The following ARHGEF4 variants were observed in gnomAD, a reference collection of about 807,000 sequenced individuals.
The protein encoded by ARHGEF4 is Rho guanine nucleotide exchange factor 4, also known as APC-stimulated guanine nucleotide exchange factor 1.
ARHGEF4 carries 119 observed loss-of-function variants against 162.0 expected under a neutral mutation model. The observed-to-expected ratio is 0.73, with a 90% CI of 0.63 to 0.86. ARHGEF4 has a LOEUF of 0.86. Ranked by LOEUF, ARHGEF4 falls within the 40% of genes least tolerant of loss-of-function variation. The probability of loss-of-function intolerance (pLI) is 0.00; values close to 1 mark genes in which losing one functional copy is unlikely to be tolerated. For synonymous variants in ARHGEF4, 1,014 were observed against 979.9 expected, an observed-to-expected ratio of 1.03 and a Z score of -0.65; for missense variants, 2,488 against 2,456.0, an observed-to-expected ratio of 1.01 and a Z score of -0.28.
chr2:130,902,367 G>A (rs907828722), intron 1 of ARHGEF4, among the ~76,000 whole-genome samples: 2 of 152,108 alleles, frequency 1.3e-5, no homozygotes, highest in African/African-American at 4.8e-5. Context: ...GCGAAGGTGG[G>A]CAGATCACTT....
intron 1 of ARHGEF4, among the ~76,000 whole-genome samples, chr2:130,872,015 T>A (rs1053290336): frequency 6.6e-5 from 10 of 152,356 alleles, no homozygotes; most frequent in African/African-American, 2.4e-4. Flanking sequence ...ACACCAGCTG[T>A]GCATCTGCAA....
intron 1 of ARHGEF4, 69 bp from the exon 2 acceptor site, chr2:130,913,917 G>T: frequency 1.3e-6 from 2 of 1,512,740 alleles, no homozygotes; most frequent in Admixed American, 4.0e-5. Context: ...GCAAAGGCAG[G>T]CACGGTGTAA....
At position 130,916,716 on chromosome 2, in the gene ARHGEF4, G is replaced by A; in HGVS notation, c.2770G>A (p.Val924Ile). ...KTFSNFIESI[V>I]LEKENTHERS... ...CTTTTCAAACTTTATTGAGTCAATA[G>A]TTCTAGAGAAAGAGAACACCCATGA... The change falls in exon 2 of 14, where the codon GTT (valine) becomes ATT (isoleucine). Residue 924 changes from valine (V) to isoleucine (I), a missense_variant. Coordinates refer to ENST00000409359, the MANE Select transcript of ARHGEF4 (RefSeq NM_001367493.1). The A allele has an allele frequency of 6.4e-7, 1 of 1,550,682 alleles. No homozygotes were observed. Among genetic ancestry groups the A allele is most frequent in the Non-Finnish European group, 8.7e-7 (1 of 1,147,018 alleles).
chr2:130,918,861 G>A (rs1473949366), intron 2 of ARHGEF4, among the ~76,000 whole-genome samples: 1 of 152,038 alleles, frequency 6.6e-6, no homozygotes, highest in Non-Finnish European at 1.5e-5. Flanking sequence ...TTTCGTTACT[G>A]TTACTACTGA....
chr2:130,959,402 A>T (rs1684503811), intron 4 of ARHGEF4, among the ~76,000 whole-genome samples: 1 of 152,224 alleles, frequency 6.6e-6, no homozygotes, highest in Non-Finnish European at 1.5e-5. Flanking sequence ...TAACGGTTGC[A>T]CAGTGGTTCA....
intron 2 of ARHGEF4, among the ~76,000 whole-genome samples, chr2:130,927,498 G>T (rs1682366291): frequency 6.6e-6 from 1 of 152,216 alleles, no homozygotes; most frequent in African/African-American, 2.4e-5. Context: ...TTGCTGGGGT[G>T]TGAGGGAGAC....
Position 130,914,586 on chromosome 2 carries a change from C to T in ARHGEF4, c.640C>T (p.Gln214Ter). The T allele has an allele frequency of 5.7e-6, 8 of 1,393,186 alleles. No homozygotes were observed. Among genetic ancestry groups the T allele is most frequent in the Non-Finnish European group, 7.4e-6 (8 of 1,080,330 alleles). 86.3% of individuals were successfully genotyped at this position (1,393,186 alleles called of 1,614,324 possible). ...DLRGLSSVSLQKSRSESYLGI... is the reference protein window; with the variant it reads ...DLRGLSSVSL The stretch of plus-strand genomic sequence containing the variant: ...CAGAGGGCTCTCCAGTGTTTCTCTT[C>T]AGAAATCCAGGTCTGAGAGCTATCT... The change falls in exon 2 of 14, where the codon CAG becomes TAG. Residue 214 changes from glutamine (Q) to a stop codon, truncating the protein, a stop_gained. Transcript: ENST00000409359. LOFTEE classifies it high-confidence loss of function.
intron 1 of ARHGEF4, among the ~76,000 whole-genome samples, chr2:130,846,281 G>A (rs551618597): frequency 3.0e-4 from 46 of 152,322 alleles, no homozygotes; most frequent in African/African-American, 1.1e-3. Flanking sequence ...CTAGGGCCTG[G>A]GAACTGTCAG....
intron 4 of ARHGEF4, among the ~76,000 whole-genome samples, chr2:130,968,959 C>T (rs1006328265): frequency 2.0e-5 from 3 of 152,074 alleles, no homozygotes; most frequent in African/African-American, 7.2e-5. Context: ...TATGAACTAT[C>T]CATTATACTT....
chr2:130,954,096 G>A lies in ARHGEF4; in HGVS notation c.3985+7461G>A, dbSNP rs184273480. Among the ~76,000 whole-genome samples, 324 of 152,226 alleles carry A rather than the reference G, an allele frequency of 2.1e-3. 1 individual carries two copies. The highest frequency in any genetic ancestry group is 0.01 in the Middle Eastern group (3 of 290). ...ATAAATCATGCTGCTATAAAGACAC[G>A]TGCACATGTATGTTTATTGCAGCAC... On this transcript the variant is annotated intron_variant, in intron 4 of 13. Coordinates refer to ENST00000409359, the MANE Select transcript of ARHGEF4 (RefSeq NM_001367493.1).
chr2:130,924,521 G>GA (rs1181002259), intron 2 of ARHGEF4, among the ~76,000 whole-genome samples: 2 of 152,190 alleles, frequency 1.3e-5, no homozygotes, highest in Non-Finnish European at 2.9e-5. Flanking sequence ...CCAGACCGTG[G>GA]AGTATTTCTG....
Position 130,917,248 on chromosome 2 carries a change from C to T in ARHGEF4, c.3302C>T (p.Ala1101Val). Residue 1101 changes from alanine (A) to valine (V), a missense_variant, in exon 2 of 14, where the codon GCT becomes GTT. Physicochemically the swap from Ala to Val is moderately conservative, Grantham distance 64. Transcript: ENST00000409359. ...SPKPLSPRPS[A>V]QRMGLHYPGR... is the part of the protein sequence containing the mutation. ...AAGCCCCTGAGTCCCAGGCCTAGTG[C>T]TCAGCGGATGGGTCTCCACTACCCC... is the stretch of plus-strand genomic sequence containing the variant. 1 of 1,550,548 alleles carries T rather than the reference C, an allele frequency of 6.4e-7. No homozygotes were observed. Among genetic ancestry groups the T allele is most frequent in the South Asian group, 1.2e-5 (1 of 84,048 alleles).
At chr2:130,893,625 G>A (rs1007899610) in intron 1 of ARHGEF4, among the ~76,000 whole-genome samples, 8 of 152,166 alleles carry the variant, frequency 5.3e-5, no homozygotes, top group African/African-American at 1.7e-4. Flanking sequence ...TCACGTGGCC[G>A]GGCAGGGTGG....
intron 1 of ARHGEF4, among the ~76,000 whole-genome samples, chr2:130,856,679 C>T (rs1202467871): frequency 6.6e-6 from 1 of 152,134 alleles, no homozygotes; most frequent in Non-Finnish European, 1.5e-5. Flanking sequence ...GGACCTATAG[C>T]ATATAGGAGA....
chr2:130,844,351 C>A (rs1230434453), intron 1 of ARHGEF4, among the ~76,000 whole-genome samples: 1 of 152,180 alleles, frequency 6.6e-6, no homozygotes, highest in East Asian at 1.9e-4. Context: ...CCGGCCCTCA[C>A]GTTGCCCTGT....
rs915544513 is a variant in ARHGEF4 at position 130,915,313 on chromosome 2, A to G, written c.1367A>G (p.Glu456Gly). Residue 456 changes from glutamate to glycine, a missense_variant, in exon 2 of 14, where the codon GAG becomes GGG. Around this residue, in one of 6 missense-constraint regions of ARHGEF4, gnomAD observed 1,642 missense variants for 1,481.5 expected, o/e 1.11. Transcript: ENST00000409359. ...AAGCTCAGTGCAGAGGAAGTGCCTG[A>G]GCCCGCTGAGTGCAAGTCAGAGCAA... ...LVKLSAEEVP[E>G]PAECKSEQSP... The G allele has an allele frequency of 3.2e-5, 49 of 1,550,556 alleles. No homozygotes were observed. Among genetic ancestry groups the G allele is most frequent in the Middle Eastern group, 1.7e-4 (1 of 6,014 alleles).
chr2:131,020,899 T>C (rs1394324019), intron 4 of ARHGEF4, among the ~76,000 whole-genome samples: 1 of 152,230 alleles, frequency 6.6e-6, no homozygotes, highest in Non-Finnish European at 1.5e-5. Context: ...TGGTGTGAGA[T>C]GGTATCTCAT....
At chr2:130,991,648 C>G (rs1476285751) in intron 4 of ARHGEF4, among the ~76,000 whole-genome samples, 1 of 152,248 alleles carries the variant, frequency 6.6e-6, no homozygotes, top group Non-Finnish European at 1.5e-5. Context: ...CCGCGCTGCA[C>G]TAGATTTCTC....
Position 131,043,536 on chromosome 2 carries a change from C to T in ARHGEF4, c.5110C>T (p.Gln1704Ter), listed in dbSNP as rs1690985344. 1.2e-6 allele frequency: 2 copies of T among 1,614,004 alleles called. No homozygotes were observed. Among genetic ancestry groups the T allele is most frequent in the South Asian group, 2.2e-5 (2 of 91,090 alleles). The stretch of plus-strand genomic sequence containing the variant: ...TACACAGCCTCAAGCCAAAAGCCAG[C>T]AGCGAATGTTCTTTCTCTTTGACCA... ...RVTQPQAKSQ[Q>*]RMFFLFDHQL... The change falls in exon 11 of 14, where the codon CAG becomes TAG. Residue 1704 changes from glutamine (Q) to a stop codon, truncating the protein, a stop_gained. Transcript: ENST00000409359. LOFTEE classifies it high-confidence loss of function.
Sources: gnomAD v4.1 joint callset for allele counts (sites outside exome capture counted in the v4.1 genomes callset) on GRCh38, gnomAD v4.1.1 for gene constraint, gnomAD v4.1.1 regional missense constraint, MANE v1.5 for transcripts, NCBI Gene and HGNC (gene_info 2026-07-23, HGNC 2026-07-21) for gene names.